Variants in MRPL23 observed in about 807,000 individuals in gnomAD.
MRPL23 encodes the protein mitochondrial ribosomal protein L23.
For missense variants in MRPL23, 25 were observed against 81.3 expected (o/e 0.31, Z 2.66); for synonymous variants, 12 against 34.8 (o/e 0.35, Z 2.30).
At chr11:1,992,179 C>A in the MRPL23 span, 3 of 88,830 alleles carry the variant, frequency 3.4e-5, no homozygotes, top group Non-Finnish European at 8.8e-5. Flanking sequence ...CTCCACAGCC[C>A]GGAAAGGCGG....
chr11:1,978,985 AC>A (rs970468145), intron 5 of MRPL23, among the ~76,000 whole-genome samples: 24 of 140,616 alleles, frequency 1.7e-4, no homozygotes, highest in African/African-American at 5.5e-4. Flanking sequence ...GGCCCCGGGG[AC>A]CCGCATGTCC....
At position 1,984,189 on chromosome 11, in the gene MRPL23, G is replaced by C. The variant is rs578247762; in HGVS notation, c.498-249G>C. On this transcript the variant is annotated intron_variant, in intron 5 of 5. Coordinates refer to the MRPL23 transcript ENST00000397297. Reference sequence around the variant, plus strand: ...CCCAGGCGGGAGGGAGCGGACACGGGCTTTGCGGCACAACCTGGTCCTTGT... The same window carrying C: ...CCCAGGCGGGAGGGAGCGGACACGGCCTTTGCGGCACAACCTGGTCCTTGT... 35 of 31,984 alleles carry C rather than the reference G, an allele frequency of 1.1e-3. 2 individuals carry two copies. The highest frequency in any genetic ancestry group is 2.8e-3 in the African/African-American group (32 of 11,360). The allele number at this position is 31,984 out of a possible 1,614,324, so 2.0% of individuals were successfully genotyped here.
chr11:1,988,908 G>A (rs1387342227), downstream of MRPL23, among the ~76,000 whole-genome samples: 11 of 145,612 alleles, frequency 7.6e-5, 2 homozygotes, highest in Admixed American at 5.5e-4. Flanking sequence ...CTCCCTTCCC[G>A]CTTGCCCCAC....
chr11:1,950,767 A>G lies in MRPL23; in HGVS notation c.18-132A>G, dbSNP rs115027699. On this transcript the variant is annotated intron_variant, in intron 1 of 4. Transcript: ENST00000397298. ...CCACCACTGTTGGGAGTGGACACTC[A>G]GGGATCCGCAGTGTTAGCTACCCCC... The G allele has an allele frequency of 5.5e-3, 612 of 111,432 alleles. 139 individuals are homozygous for G. Among genetic ancestry groups the G allele is most frequent in the African/African-American group, 0.029 (465 of 15,930 alleles). 6.9% of individuals were successfully genotyped at this position (111,432 alleles called of 1,614,324 possible). A position where few individuals can be genotyped will look rare whatever the true frequency, so the allele number is the denominator to read the frequency against.
At chr11:1,994,376 G>C in the MRPL23 span, among the ~76,000 whole-genome samples, 22 of 95,754 alleles carry the variant, frequency 2.3e-4, 8 homozygotes, top group East Asian at 4.0e-3. Flanking sequence ...CCTGGGGAGC[G>C]AACCCCTGCA....
At chr11:1,953,738 C>T (rs1017080508) in intron 4 of MRPL23, among the ~76,000 whole-genome samples, 2 of 93,388 alleles carry the variant, frequency 2.1e-5, no homozygotes, top group Non-Finnish European at 4.2e-5. Flanking sequence ...TGGTGGAAAC[C>T]GCCTCCTGGG....
At chr11:1,991,658 C>A in the MRPL23 span, among the ~76,000 whole-genome samples, 19 of 136,908 alleles carry the variant, frequency 1.4e-4, no homozygotes, top group African/African-American at 4.5e-4. Flanking sequence ...GAGACCCAGC[C>A]GGGGTCCAGG....
chr11:1,992,271 C>T, the MRPL23 span: 2 of 101,086 alleles, frequency 2.0e-5, no homozygotes, highest in African/African-American at 5.3e-5. Context: ...TGCACGTCCT[C>T]GGTGACAAGG....
Position 1,953,634 on chromosome 11 carries a change from T to C in MRPL23, c.297+779T>C, listed in dbSNP as rs546003180. On this transcript the variant is annotated intron_variant, in intron 4 of 4. Transcript: ENST00000397298. Reference sequence around the variant, plus strand: ...GGCCTCCCCACTCTGCCCCTGGGGCTGGCCTTACTGGGTGGGGATGGGGTT... The same window carrying C: ...GGCCTCCCCACTCTGCCCCTGGGGCCGGCCTTACTGGGTGGGGATGGGGTT... Among the ~76,000 whole-genome samples the C allele has an allele frequency of 1.3e-3, 139 of 103,136 alleles. 45 individuals are homozygous for C. The Middle Eastern group carries it at 0.021, about 16-fold the overall frequency. 67.7% of individuals were successfully genotyped at this position (103,136 alleles called of 152,430 possible).
chr11:1,989,002 C>T (rs764413195), downstream of MRPL23, among the ~76,000 whole-genome samples: 2 of 141,132 alleles, frequency 1.4e-5, no homozygotes, highest in African/African-American at 4.9e-5. Context: ...CAGCCCCTGG[C>T]GGCCCAGATC....
downstream of MRPL23, among the ~76,000 whole-genome samples, chr11:1,957,164 G>A (rs1348713354): frequency 5.9e-4 from 4 of 6,822 alleles, 2 homozygotes; most frequent in African/African-American, 6.3e-4. Flanking sequence ...GAGAGGTGCC[G>A]TCGGGCGGAG....
chr11:1,993,621 T>TAAAC, the MRPL23 span: 1 of 62,866 alleles, frequency 1.6e-5, no homozygotes, highest in African/African-American at 3.8e-5. Context: ...CCCTGCTTTG[T>TAAAC]AAACCTCCTG....
chr11:1,983,823 C>G (rs540765650), intron 5 of MRPL23: 1 of 143,450 alleles, frequency 7.0e-6, no homozygotes, highest in Admixed American at 6.9e-5. Flanking sequence ...GTCCTCCCAG[C>G]TCGGCAGCCC....
At chr11:1,990,614 C>CT in the MRPL23 span, among the ~76,000 whole-genome samples, 31 of 59,198 alleles carry the variant, frequency 5.2e-4, no homozygotes, top group African/African-American at 1.9e-3. Flanking sequence ...CAGGGCCGGC[C>CT]CCACTCTGTT....
rs12221851 is a variant in MRPL23 at position 1,971,649 on chromosome 11, C to G, written c.298-910C>G. On this transcript the variant is annotated intron_variant, in intron 4 of 4. Coordinates refer to the MRPL23 transcript ENST00000397294. ...CTCTGCCTTGCACCAGCCACCCAAC[C>G]TGCCTCGGGCCCAGGTCCACTCCCA... Among the ~76,000 whole-genome samples the G allele has an allele frequency of 1.8e-3, 249 of 135,098 alleles. 14 individuals are homozygous for G. In the East Asian group the frequency reaches 0.047, roughly 25 times the overall value. 88.6% of individuals were successfully genotyped at this position (135,098 alleles called of 152,430 possible). A position where few individuals can be genotyped will look rare whatever the true frequency, so the allele number is the denominator to read the frequency against.
downstream of MRPL23, among the ~76,000 whole-genome samples, chr11:1,960,013 G>A (rs1454057414): frequency 2.5e-5 from 3 of 121,360 alleles, 1 homozygote; most frequent in Non-Finnish European, 5.4e-5. Context: ...GGTGATGCAA[G>A]GCCCAGGCAG....
At chr11:1,971,243 G>A (rs1392873176) in intron 4 of MRPL23, among the ~76,000 whole-genome samples, 1 of 109,160 alleles carries the variant, frequency 9.2e-6, no homozygotes, top group African/African-American at 2.6e-5. Flanking sequence ...CCAGCCCGAA[G>A]CCAGCCCTTC....
At chr11:1,994,629 C>T in the MRPL23 span, among the ~76,000 whole-genome samples, 5 of 89,032 alleles carry the variant, frequency 5.6e-5, 1 homozygote, top group African/African-American at 1.1e-4. Context: ...CGGCGTGGCC[C>T]CGGCTCCCAC....
At chr11:1,991,701 G>C in the MRPL23 span, among the ~76,000 whole-genome samples, 1 of 129,244 alleles carries the variant, frequency 7.7e-6, no homozygotes, top group Admixed American at 7.7e-5. Flanking sequence ...CCCATGTTGG[G>C]AGGGCCGAGG....
Sources: gnomAD v4.1 joint callset for allele counts (sites outside exome capture counted in the v4.1 genomes callset) on GRCh38, gnomAD v4.1.1 for gene constraint, MANE v1.5 for transcripts, NCBI Gene and HGNC (gene_info 2026-07-23, HGNC 2026-07-21) for gene names.